ALDH5A1: variants seen among roughly 807,000 people sequenced by gnomAD.
The protein encoded by ALDH5A1 is succinate-semialdehyde dehydrogenase, mitochondrial.
Under a neutral mutation model 54.7 loss-of-function variants are expected in ALDH5A1, and 33 were observed. The observed-to-expected ratio is 0.60, with a 90% CI of 0.46 to 0.81. The LOEUF is 0.81. Ranked by LOEUF, ALDH5A1 falls within the 30% of genes least tolerant of loss-of-function variation. The pLI is 0.00. For missense variants in ALDH5A1, 657 were observed against 711.0 expected (o/e 0.92, Z 0.86); for synonymous variants, 294 against 292.7 (o/e 1.00, Z -0.05).
chr6:24,502,312 T>C (rs1459818751), intron 1 of ALDH5A1, among the ~76,000 whole-genome samples: 1 of 152,194 alleles, frequency 6.6e-6, no homozygotes, highest in African/African-American at 2.4e-5. Context: ...ATTCAAATGC[T>C]AATCTCTTCC....
intron 6 of ALDH5A1, 152 bp from the exon 7 acceptor site, chr6:24,522,615 C>T (rs1026276666): frequency 1.4e-5 from 12 of 857,764 alleles, no homozygotes; most frequent in African/African-American, 1.3e-4. Context: ...ATCTTTGGGG[C>T]CAAGCCCACG....
At chr6:24,512,005 C>A (rs932489383) in intron 4 of ALDH5A1, 2 of 397,618 alleles carry the variant, frequency 5.0e-6, no homozygotes, top group African/African-American at 2.1e-5. Context: ...TGTTCAGATT[C>A]TTTTGTCCCA....
chr6:24,529,486 A>G (rs1465784121), intron 8 of ALDH5A1, among the ~76,000 whole-genome samples: 2 of 151,870 alleles, frequency 1.3e-5, no homozygotes, highest in East Asian at 3.9e-4. Context: ...ACTTTTATCC[A>G]GGGTTATTGC....
At chr6:24,506,158 A>C (rs1759345590) in intron 4 of ALDH5A1, among the ~76,000 whole-genome samples, 1 of 151,314 alleles carries the variant, frequency 6.6e-6, no homozygotes, top group South Asian at 2.1e-4. Context: ...AAATTCCTAT[A>C]GAAACTTCGA....
chr6:24,499,590 C>T (rs1225946058), intron 1 of ALDH5A1, among the ~76,000 whole-genome samples: 3 of 151,736 alleles, frequency 2.0e-5, no homozygotes, highest in Non-Finnish European at 4.4e-5. Flanking sequence ...ACTCATAGGC[C>T]TAAGCGATTC....
intron 1 of ALDH5A1, among the ~76,000 whole-genome samples, chr6:24,498,634 G>A (rs1561867639): frequency 6.6e-6 from 1 of 152,196 alleles, no homozygotes; most frequent in East Asian, 1.9e-4. Context: ...CATCTTACAA[G>A]GGCTAGGATC....
At position 24,536,336 on chromosome 6, in the gene ALDH5A1, A is replaced by C. The variant is rs1410125923; in HGVS notation, c.*2624A>C. The C allele has an allele frequency of 6.6e-6, 1 of 152,226 alleles. No individual in the cohort carries two copies. The highest frequency in any genetic ancestry group is 1.5e-5 in the Non-Finnish European group (1 of 68,032). 9.4% of individuals were successfully genotyped at this position (152,226 alleles called of 1,614,324 possible). ...GAAGAACAATATTTCATGACACCTGAAAATTCTATGAAATTCAGATTTCAG... is the reference window on the plus strand; with the variant it reads ...GAAGAACAATATTTCATGACACCTGCAAATTCTATGAAATTCAGATTTCAG... On this transcript the variant is annotated 3_prime_UTR_variant, in exon 10 of 10. Coordinates refer to ENST00000357578, the MANE Select transcript of ALDH5A1 (RefSeq NM_001080.3).
At chr6:24,508,386 A>T (rs1181631274) in intron 4 of ALDH5A1, among the ~76,000 whole-genome samples, 8 of 52,408 alleles carry the variant, frequency 1.5e-4, no homozygotes, top group Non-Finnish European at 4.0e-4. Context: ...AAAAAAAAAA[A>T]AAGATTAATA....
chr6:24,523,857 G>C (rs1159368545), intron 7 of ALDH5A1, among the ~76,000 whole-genome samples: 1 of 151,694 alleles, frequency 6.6e-6, no homozygotes, highest in African/African-American at 2.4e-5. Context: ...AGATTTGTTT[G>C]TTTAAAAAAA....
intron 6 of ALDH5A1, 77 bp downstream of exon 6, chr6:24,520,621 T>G (rs1759663317): frequency 1.3e-6 from 2 of 1,572,558 alleles, no homozygotes; most frequent in Non-Finnish European, 1.7e-6. Context: ...GTGTGTGATA[T>G]GTGTGCATGT....
Position 24,528,129 on chromosome 6 carries a change from C to G in ALDH5A1, c.1306C>G (p.His436Asp). The G allele has an allele frequency of 6.2e-7, 1 of 1,613,998 alleles. No individual in the cohort carries two copies. Among genetic ancestry groups the G allele is most frequent in the South Asian group, 1.1e-5 (1 of 91,048 alleles). ...TGTCACCCAGGACATGCTGTGCACTCATGAAGAGACTTTCGGGCCTCTGGC... is the reference window on the plus strand; with the variant it reads ...TGTCACCCAGGACATGCTGTGCACTGATGAAGAGACTTTCGGGCCTCTGGC... ...CNVTQDMLCT[H>D]EETFGPLAPV... is the part of the protein sequence containing the mutation. The change falls in exon 8 of 10, where the codon CAT becomes GAT. Residue 436 changes from histidine to aspartate, a missense_variant. His to Asp is a moderately conservative substitution (Grantham distance 81). Coordinates refer to ENST00000357578, the MANE Select transcript of ALDH5A1 (RefSeq NM_001080.3).
chr6:24,510,219 C>T (rs1025448990), intron 4 of ALDH5A1, among the ~76,000 whole-genome samples: 2 of 151,986 alleles, frequency 1.3e-5, no homozygotes, highest in Admixed American at 1.3e-4. Flanking sequence ...ATTTTGTGGC[C>T]TATCATATGG....
chr6:24,528,702 CTT>C (rs558159398), intron 8 of ALDH5A1, among the ~76,000 whole-genome samples: 5 of 143,138 alleles, frequency 3.5e-5, no homozygotes, highest in African/African-American at 7.7e-5. Flanking sequence ...CTGCTGAACT[CTT>C]TTTTTTTTTT....
chr6:24,535,955 T>G lies in ALDH5A1; in HGVS notation c.*2243T>G, dbSNP rs532562765. On this transcript the variant is annotated 3_prime_UTR_variant, in exon 10 of 10. Transcript: ENST00000357578. Reference sequence around the variant, plus strand: ...TTGGCTGGGTGGCAAATTTTGAGTCTTCTTGCATATTTGGCTCATGGGTTC... The same window carrying G: ...TTGGCTGGGTGGCAAATTTTGAGTCGTCTTGCATATTTGGCTCATGGGTTC... The G allele has an allele frequency of 6.6e-6, 1 of 152,242 alleles. No individual in the cohort carries two copies. Among genetic ancestry groups the G allele is most frequent in the Non-Finnish European group, 1.5e-5 (1 of 68,036 alleles). 9.4% of individuals were successfully genotyped at this position (152,242 alleles called of 1,614,324 possible).
chr6:24,511,706 A>G (rs2127384718), intron 4 of ALDH5A1: 2 of 397,322 alleles, frequency 5.0e-6, no homozygotes, highest in Admixed American at 4.5e-5. Flanking sequence ...TATTTCATTG[A>G]AAACTTCTCC....
At chr6:24,526,068 G>A (rs562005907) in intron 7 of ALDH5A1, among the ~76,000 whole-genome samples, 7 of 152,276 alleles carry the variant, frequency 4.6e-5, no homozygotes, top group Admixed American at 6.5e-5. Flanking sequence ...CTGCCCTTAT[G>A]TGAAGCCTGC....
At chr6:24,516,809 G>A (rs1759584134) in intron 5 of ALDH5A1, among the ~76,000 whole-genome samples, 1 of 152,096 alleles carries the variant, frequency 6.6e-6, no homozygotes, top group Non-Finnish European at 1.5e-5. Context: ...TGTAGTCCCA[G>A]CTACTTGGGA....
At chr6:24,522,667 G>A in intron 6 of ALDH5A1, 100 bp from the exon 7 acceptor site, 2 of 1,409,694 alleles carry the variant, frequency 1.4e-6, no homozygotes, top group East Asian at 4.6e-5. Context: ...CAACCACCGA[G>A]GGAAGTGTTT....
chr6:24,504,421 T>C (rs561556108), intron 3 of ALDH5A1, among the ~76,000 whole-genome samples: 2 of 152,368 alleles, frequency 1.3e-5, no homozygotes, highest in East Asian at 1.9e-4. Context: ...CTTACTCCCA[T>C]GGGCCTCAGG....
Sources: allele counts gnomAD v4.1 joint callset (sites outside exome capture counted in the v4.1 genomes callset), GRCh38; gene constraint gnomAD v4.1.1; transcripts MANE v1.5; gene names NCBI Gene and HGNC (gene_info 2026-07-23, HGNC 2026-07-21).